Variants in DHX30 observed in about 807,000 individuals in gnomAD.
DHX30 encodes DExH-box helicase 30.
Under a neutral mutation model 116.9 loss-of-function variants are expected in DHX30, and 4 were observed. The ratio of observed to expected loss-of-function variants is 0.03; its 90% CI spans 0.02 to 0.08. The LOEUF is 0.08. Among genes scored for constraint, DHX30 ranks in the 10% least tolerant of loss-of-function variants. The probability of loss-of-function intolerance (pLI) is 1.00; values close to 1 mark genes in which losing one functional copy is unlikely to be tolerated. For missense variants in DHX30, 871 were observed against 1,595.1 expected (o/e 0.55, Z 7.73); for synonymous variants, 697 against 651.7 (o/e 1.07, Z -1.06).
At chr3:47,824,972 G>A in intron 4 of DHX30, 1 of 507,966 alleles carries the variant, frequency 2.0e-6, no homozygotes, top group South Asian at 2.7e-5. Context: ...GCGGCGCTCG[G>A]GCCGGCCGCT....
Position 47,845,795 on chromosome 3 carries a change from A to T in DHX30, c.1035A>T (p.Pro345=), listed in dbSNP as rs759703914. Residue 345 remains proline, a synonymous_variant, in exon 10 of 22, where the codon CCA becomes CCT. Transcript: ENST00000445061. ...LRELGETQRR[P]CTIQVPEPIL... is the part of the protein sequence containing the mutation. Reference sequence around the variant, plus strand: ...AGCTGGGTGAGACCCAGCGCCGACCATGCACCATCCAGGTGCCCGAGCCCA... The same window carrying T: ...AGCTGGGTGAGACCCAGCGCCGACCTTGCACCATCCAGGTGCCCGAGCCCA... 1.2e-6 allele frequency: 2 copies of T among 1,611,674 alleles called. No individual in the cohort carries two copies. Among genetic ancestry groups the T allele is most frequent in the African/African-American group, 2.7e-5 (2 of 74,886 alleles).
At chr3:47,834,127 C>G (rs1361020858) in intron 6 of DHX30, among the ~76,000 whole-genome samples, 1 of 151,806 alleles carries the variant, frequency 6.6e-6, no homozygotes, top group African/African-American at 2.4e-5. Context: ...TTTTTGAGAC[C>G]AAGTCTCGGC....
At chr3:47,819,762 C>T (rs1039457238) in intron 4 of DHX30, among the ~76,000 whole-genome samples, 1 of 152,136 alleles carries the variant, frequency 6.6e-6, no homozygotes, top group African/African-American at 2.4e-5. Context: ...AAAAAATGAT[C>T]ACCTCCCTAC....
Position 47,848,210 on chromosome 3 carries a change from A to C in DHX30, c.2317A>C (p.Arg773=). The change falls in exon 15 of 22, where the codon AGA becomes CGA. Residue 773 remains arginine, a synonymous_variant. Transcript: ENST00000445061. This position sits in a 1 kb window ranked among gnomAD's most constrained non-coding sequence, Gnocchi z 9.4. ...VSCLETVWVS[R]ANVIQRRGRA... ...CTGCCTGGAGACAGTGTGGGTATCA[A>C]GAGCCAATGTGATCCAGCGCCGGGG... 6.2e-7 allele frequency: 1 copy of C among 1,613,754 alleles called. No individual in the cohort carries two copies. The highest frequency in any genetic ancestry group is 8.5e-7 in the Non-Finnish European group (1 of 1,180,036).
intron 6 of DHX30, among the ~76,000 whole-genome samples, chr3:47,838,048 T>A (rs1365647104): frequency 6.6e-6 from 1 of 152,166 alleles, no homozygotes; most frequent in Non-Finnish European, 1.5e-5. Flanking sequence ...AGAACGGTGC[T>A]GTCCTGCTGG....
Position 47,843,004 on chromosome 3 carries a change from G to A in DHX30, c.790-102G>A, listed in dbSNP as rs986987044. The A allele has an allele frequency of 4.2e-6, 6 of 1,428,884 alleles. No homozygotes were observed. In the South Asian group the frequency reaches 7.6e-5, roughly 18 times the overall value. 88.5% of individuals were successfully genotyped at this position (1,428,884 alleles called of 1,614,324 possible). ...GCTCACGCCTGGCACCTGCTGAGATGGTGGCTCATTCTGTCTCTGGGCTCC... is the reference window on the plus strand; with the variant it reads ...GCTCACGCCTGGCACCTGCTGAGATAGTGGCTCATTCTGTCTCTGGGCTCC... On this transcript the variant is annotated intron_variant, in intron 8 of 21. Transcript: ENST00000445061.
At position 47,842,312 on chromosome 3, in the gene DHX30, A is replaced by G. The variant is rs541536764; in HGVS notation, c.789+575A>G. ...TTTCAAAGGAGCCTAATTAACTGATAAGGTACGAACACCAACAATATATGA... is the reference window on the plus strand; with the variant it reads ...TTTCAAAGGAGCCTAATTAACTGATGAGGTACGAACACCAACAATATATGA... On this transcript the variant is annotated intron_variant, in intron 8 of 21. Transcript: ENST00000445061. 263 of 153,540 alleles carry G rather than the reference A, an allele frequency of 1.7e-3. 7 individuals are homozygous for G. In the South Asian group the frequency reaches 0.05, roughly 29 times the overall value. 9.5% of individuals were successfully genotyped at this position (153,540 alleles called of 1,614,324 possible). A position where few individuals can be genotyped will look rare whatever the true frequency, so the allele number is the denominator to read the frequency against.
At chr3:47,845,476 C>A (rs41290670) in intron 9 of DHX30, 10 of 423,012 alleles carry the variant, frequency 2.4e-5, no homozygotes, top group African/African-American at 1.8e-4. Flanking sequence ...CGTGAGCCAC[C>A]GCGCCCGGCC....
intron 4 of DHX30, chr3:47,822,003 ACT>A (rs2036320444): frequency 6.6e-6 from 1 of 152,156 alleles, no homozygotes. Context: ...CAGTTATTTG[ACT>A]CTGCCATTAT....
chr3:47,814,821 T>G (rs2035978945), intron 3 of DHX30, among the ~76,000 whole-genome samples: 1 of 151,558 alleles, frequency 6.6e-6, no homozygotes, highest in Non-Finnish European at 1.5e-5. Context: ...CGCCCGGCCG[T>G]TTTTTGTTAG....
At chr3:47,835,264 C>G (rs2037054530) in intron 6 of DHX30, among the ~76,000 whole-genome samples, 1 of 151,230 alleles carries the variant, frequency 6.6e-6, no homozygotes, top group Non-Finnish European at 1.5e-5. Flanking sequence ...ACCTCCGTCT[C>G]CTGGGTTCAA....
Position 47,843,137 on chromosome 3 carries a change from A to G in DHX30, c.821A>G (p.Lys274Arg). 6.2e-7 allele frequency: 1 copy of G among 1,614,246 alleles called. No individual in the cohort carries two copies. Among genetic ancestry groups the G allele is most frequent in the South Asian group, 1.1e-5 (1 of 91,088 alleles). ...ATGCAGTTCCATACTGTGGGCACCA[A>G]GACCAAGCTGTCTACACTCACCCTG... ...NLMQFHTVGT[K>R]TKLSTLTLLW... Residue 274 changes from lysine to arginine, a missense_variant, in exon 9 of 22, where the codon AAG (lysine) becomes AGG (arginine). By Grantham distance (26) the Lys-to-Arg change is conservative (BLOSUM62 2). This residue lies in a region of DHX30 where 175 missense variants were observed against 292.9 expected (regional missense o/e 0.60). Coordinates refer to ENST00000445061, the MANE Select transcript of DHX30 (RefSeq NM_138615.3).
chr3:47,838,980 C>T (rs946594900), intron 6 of DHX30, among the ~76,000 whole-genome samples: 6 of 151,852 alleles, frequency 4.0e-5, no homozygotes, highest in African/African-American at 1.4e-4. Context: ...CTCAAGTGAT[C>T]CTCTTGCCTC....
At chr3:47,837,840 T>C (rs1391931598) in intron 6 of DHX30, among the ~76,000 whole-genome samples, 1 of 151,522 alleles carries the variant, frequency 6.6e-6, no homozygotes, top group African/African-American at 2.4e-5. Flanking sequence ...GGAGGGAGAA[T>C]GGGTTGGAGG....
Position 47,841,132 on chromosome 3 carries a change from T to G in DHX30, c.622T>G (p.Leu208Val), listed in dbSNP as rs891783342. The change falls in exon 7 of 22, where the codon TTG (leucine) becomes GTG (valine). Residue 208 changes from leucine to valine, a missense_variant. This residue lies in a region of DHX30 where 109 missense variants were observed against 118.8 expected (regional missense o/e 0.92). Coordinates refer to ENST00000445061, the MANE Select transcript of DHX30 (RefSeq NM_138615.3). ...EEGTIDVTDF[L>V]SMTQQDSHAP... ...AGGGACCATAGATGTTACCGACTTC[T>G]TGTCCATGACCCAGCAGGATTCCCA... 2.5e-6 allele frequency: 4 copies of G among 1,614,172 alleles called. No individual in the cohort carries two copies. Among genetic ancestry groups the G allele is most frequent in the Non-Finnish European group, 3.4e-6 (4 of 1,180,028 alleles).
At chr3:47,829,235 T>C in intron 6 of DHX30, 101 bp downstream of exon 6, 1 of 474,970 alleles carries the variant, frequency 2.1e-6, no homozygotes, top group Non-Finnish European at 3.8e-6. Context: ...ACCACTCACC[T>C]GCCCTGAGCC....
At chr3:47,815,516 C>T (rs1358470436) in intron 3 of DHX30, among the ~76,000 whole-genome samples, 1 of 152,026 alleles carries the variant, frequency 6.6e-6, no homozygotes, top group Non-Finnish European at 1.5e-5. Flanking sequence ...TTCCATGCAG[C>T]ATTGTGGATG....
chr3:47,847,125 G>C lies in DHX30; in HGVS notation c.1929+124G>C. The C allele has an allele frequency of 6.8e-7, 1 of 1,481,294 alleles. No homozygotes were observed. Among genetic ancestry groups the C allele is most frequent in the Non-Finnish European group, 9.3e-7 (1 of 1,078,734 alleles). The allele number at this position is 1,481,294 out of a possible 1,614,324, so 91.8% of individuals were successfully genotyped here. ...TCCCCAGTCCTCGGTTTCCTTGATAGAAACTGGGGACTAACCCTGCCTGCG... is the reference window on the plus strand; with the variant it reads ...TCCCCAGTCCTCGGTTTCCTTGATACAAACTGGGGACTAACCCTGCCTGCG... On this transcript the variant is annotated intron_variant, in intron 11 of 21. Transcript: ENST00000445061. The surrounding 1 kb of genome is among the most constrained non-coding windows in gnomAD (Gnocchi z 5.5).
At chr3:47,816,748 G>A (rs1576469742) in intron 3 of DHX30, 1 of 985,550 alleles carries the variant, frequency 1.0e-6, no homozygotes, top group East Asian at 1.1e-4. Context: ...GTGAAGGAGT[G>A]TGTGCAGCTG....
Sources: gnomAD v4.1 joint callset for allele counts (sites outside exome capture counted in the v4.1 genomes callset) on GRCh38, gnomAD v4.1.1 for gene constraint, gnomAD v4.1.1 regional missense constraint, Gnocchi (gnomAD v3.1) non-coding constraint, MANE v1.5 for transcripts, NCBI Gene and HGNC (gene_info 2026-07-23, HGNC 2026-07-21) for gene names.